The following DPY19L2 variants were observed in gnomAD, a reference collection of about 807,000 sequenced individuals.
DPY19L2 encodes the protein probable C-mannosyltransferase DPY19L2.
DPY19L2 carries 34 observed loss-of-function variants against 97.9 expected under a neutral mutation model. The observed-to-expected ratio is 0.35, with a 90% CI of 0.26 to 0.46. The LOEUF is 0.46. Ranked by LOEUF, DPY19L2 falls within the 20% of genes least tolerant of loss-of-function variation. DPY19L2 has a pLI of 1.00. For synonymous variants in DPY19L2, 230 were observed against 307.9 expected (o/e 0.75, Z 2.65); for missense variants, 623 against 911.4 (o/e 0.68, Z 4.07).
At chr12:63,568,482 A>T (rs904346077) in intron 21 of DPY19L2, among the ~76,000 whole-genome samples, 12 of 152,014 alleles carry the variant, frequency 7.9e-5, no homozygotes, top group Non-Finnish European at 1.3e-4. Flanking sequence ...TGCTAAATCC[A>T]ACATCTGGAC....
upstream of DPY19L2, chr12:63,668,552 G>A (rs543851633): frequency 1.3e-6 from 1 of 764,306 alleles, no homozygotes; most frequent in South Asian, 1.9e-5. Context: ...ATGTGGGGTG[G>A]GGCGCATGCG....
rs1380437169 is a variant in DPY19L2 at position 63,665,837 on chromosome 12, A to C, written c.360T>G (p.His120Gln). The change falls in exon 2 of 22, where the codon CAT becomes CAG. Residue 120 changes from histidine to glutamine, a missense_variant and splice_region_variant. His to Gln is a conservative substitution (Grantham distance 24, BLOSUM62 0). This residue lies in a region of DPY19L2 where 84 missense variants were observed against 125.4 expected (regional missense o/e 0.67). Transcript: ENST00000324472. ...LGIAVFVAIL[H>Q]WLHLVTLFEN... ...TTCAAACTGAAACTAAATCTTACCA[A>C]TGTAAAATTGCCACAAAGACAGCTG... 3.8e-6 allele frequency: 6 copies of C among 1,584,066 alleles called. No homozygotes were observed. In the Admixed American group the frequency reaches 5.2e-5, roughly 14 times the overall value.
At chr12:63,564,472 T>C (rs970470087) in intron 21 of DPY19L2, among the ~76,000 whole-genome samples, 1 of 152,142 alleles carries the variant, frequency 6.6e-6, no homozygotes, top group South Asian at 2.1e-4. Context: ...ACCCTCCTTT[T>C]GTTTCTTCTT....
intron 10 of DPY19L2, among the ~76,000 whole-genome samples, chr12:63,617,616 G>C (rs557965965): frequency 6.6e-6 from 1 of 151,880 alleles, no homozygotes; most frequent in African/African-American, 2.4e-5. Flanking sequence ...CTGCTACTTG[G>C]AACAATGAAA....
intron 12 of DPY19L2, among the ~76,000 whole-genome samples, chr12:63,606,398 G>T (rs1886048113): frequency 6.6e-6 from 1 of 152,062 alleles, no homozygotes; most frequent in Non-Finnish European, 1.5e-5. Context: ...ACTGGGTTGA[G>T]AAAACTGTTA....
At chr12:63,569,162 T>C (rs1355372810) in intron 21 of DPY19L2, 62 bp downstream of exon 21, 8 of 1,522,706 alleles carry the variant, frequency 5.3e-6, no homozygotes, top group Non-Finnish European at 7.0e-6. Context: ...ACTACTATAA[T>C]AAAGTGAAAC....
intron 6 of DPY19L2, among the ~76,000 whole-genome samples, chr12:63,636,908 T>C (rs1333708282): frequency 2.0e-5 from 3 of 152,082 alleles, no homozygotes; most frequent in Non-Finnish European, 4.4e-5. Context: ...TATCCAGGAA[T>C]TGAACTCAAC....
intron 12 of DPY19L2, among the ~76,000 whole-genome samples, chr12:63,600,943 G>C (rs1422575981): frequency 6.6e-6 from 1 of 151,882 alleles, no homozygotes; most frequent in Non-Finnish European, 1.5e-5. Flanking sequence ...CCACCACCAT[G>C]CCCGGCTAAT....
intron 19 of DPY19L2, among the ~76,000 whole-genome samples, chr12:63,577,650 A>G (rs1880094399): frequency 6.6e-6 from 1 of 152,148 alleles, no homozygotes; most frequent in Admixed American, 6.5e-5. Context: ...GAAAACATAC[A>G]AGTGGCAAAC....
At position 63,589,023 on chromosome 12, in the gene DPY19L2, T is replaced by G. The variant is rs11175054; in HGVS notation, c.1580+5064A>C. Reference sequence around the variant, plus strand: ...CCACCTTGGCCTCCCAAAATGCTGGTATTACAGGCGTGAGCCACCGCGCCT... The same window carrying G: ...CCACCTTGGCCTCCCAAAATGCTGGGATTACAGGCGTGAGCCACCGCGCCT... On this transcript the variant is annotated intron_variant, in intron 16 of 21. Transcript: ENST00000324472. 1.0e-3 allele frequency among the ~76,000 whole-genome samples: 157 copies of G among 151,710 alleles called. 1 individual carries two copies. The highest frequency in any genetic ancestry group is 1.8e-3 in the Admixed American group (27 of 15,248).
At chr12:63,628,335 G>T (rs1448725737) in intron 6 of DPY19L2, among the ~76,000 whole-genome samples, 4 of 152,208 alleles carry the variant, frequency 2.6e-5, no homozygotes, top group Non-Finnish European at 5.9e-5. Flanking sequence ...AGGGGTGAAA[G>T]AAGGCACCTG....
intron 8 of DPY19L2, 105 bp downstream of exon 8, chr12:63,623,935 C>T: frequency 4.9e-6 from 4 of 818,982 alleles, no homozygotes; most frequent in Non-Finnish European, 8.0e-6. Context: ...AACTCCTGAC[C>T]TCAAGTGATC....
At chr12:63,578,119 C>T (rs1484046749) in intron 19 of DPY19L2, among the ~76,000 whole-genome samples, 2 of 151,956 alleles carry the variant, frequency 1.3e-5, no homozygotes, top group African/African-American at 2.4e-5. Context: ...GCCATAAAAA[C>T]GAATGAGAAC....
At chr12:63,661,113 C>G (rs1895617250) in intron 4 of DPY19L2, 3 of 297,370 alleles carry the variant, frequency 1.0e-5, no homozygotes, top group Non-Finnish European at 1.8e-5. Flanking sequence ...TGTCTATTAC[C>G]CTGGCCATTA....
At chr12:63,630,839 T>A (rs1161351957) in intron 6 of DPY19L2, among the ~76,000 whole-genome samples, 1 of 152,038 alleles carries the variant, frequency 6.6e-6, no homozygotes, top group Non-Finnish European at 1.5e-5. Flanking sequence ...TCAGCAAATG[T>A]AAAAGAACAG....
chr12:63,611,822 A>C (rs1176572791), intron 11 of DPY19L2, among the ~76,000 whole-genome samples: 1 of 152,108 alleles, frequency 6.6e-6, no homozygotes, highest in Admixed American at 6.6e-5. Flanking sequence ...AGAGTCCCTA[A>C]ATGAAAGTGA....
intron 6 of DPY19L2, among the ~76,000 whole-genome samples, chr12:63,637,736 A>AG (rs1304007079): frequency 6.6e-6 from 1 of 152,152 alleles, no homozygotes; most frequent in Non-Finnish European, 1.5e-5. Context: ...AACCAAAAAA[A>AG]GTCCAGGACC....
chr12:63,588,536 T>A (rs904503501), intron 16 of DPY19L2, among the ~76,000 whole-genome samples: 2 of 152,050 alleles, frequency 1.3e-5, no homozygotes, highest in African/African-American at 4.8e-5. Flanking sequence ...TAAGCATTCT[T>A]ACCAAATTTT....
chr12:63,613,235 G>T (rs559073830), intron 11 of DPY19L2, among the ~76,000 whole-genome samples: 5 of 152,176 alleles, frequency 3.3e-5, no homozygotes, highest in Admixed American at 3.3e-4. Context: ...GAACTTAGGT[G>T]CAAAATCGTA....
Sources: gnomAD v4.1 joint callset for allele counts (sites outside exome capture counted in the v4.1 genomes callset) on GRCh38, gnomAD v4.1.1 for gene constraint, gnomAD v4.1.1 regional missense constraint, MANE v1.5 for transcripts, NCBI Gene and HGNC (gene_info 2026-07-23, HGNC 2026-07-21) for gene names.